SH3PXD2B: variants seen among roughly 807,000 people sequenced by gnomAD.
SH3PXD2B encodes SH3 and PX domain-containing protein 2B.
Under a neutral mutation model 73.1 loss-of-function variants are expected in SH3PXD2B, and 37 were observed. The ratio of observed to expected loss-of-function variants is 0.51; its 90% CI spans 0.39 to 0.67. The LOEUF is 0.67. Ranked by LOEUF, SH3PXD2B falls within the 30% of genes least tolerant of loss-of-function variation. The pLI, the probability that SH3PXD2B is intolerant of heterozygous loss-of-function variation, is 0.00. For synonymous variants in SH3PXD2B, 457 were observed against 480.5 expected, an observed-to-expected ratio of 0.95 and a Z score of 0.64; for missense variants, 1,053 against 1,197.8, an observed-to-expected ratio of 0.88 and a Z score of 1.78.
chr5:172,368,207 A>G (rs1296556500), intron 6 of SH3PXD2B, among the ~76,000 whole-genome samples: 1 of 151,680 alleles, frequency 6.6e-6, no homozygotes, highest in African/African-American at 2.4e-5. Context: ...TTCCTGCTCA[A>G]GTGGCATCTT....
At chr5:172,411,404 G>C (rs1758689087) in intron 2 of SH3PXD2B, among the ~76,000 whole-genome samples, 1 of 152,110 alleles carries the variant, frequency 6.6e-6, no homozygotes, top group Non-Finnish European at 1.5e-5. Context: ...GTCCTGACTT[G>C]ATTTTACCCA....
At chr5:172,396,956 A>G (rs1758316392) in intron 3 of SH3PXD2B, among the ~76,000 whole-genome samples, 1 of 152,202 alleles carries the variant, frequency 6.6e-6, no homozygotes, top group Non-Finnish European at 1.5e-5. Context: ...AAAGAAAGAA[A>G]AAAATGTAGA....
chr5:172,354,958 G>A (rs6556012), intron 8 of SH3PXD2B, among the ~76,000 whole-genome samples: 3,503 of 152,250 alleles, frequency 0.023, 106 homozygotes, highest in African/African-American at 0.073. Flanking sequence ...GCTCATCGCT[G>A]CACTCTGGCA....
At chr5:172,416,327 TCTA>T in intron 2 of SH3PXD2B, among the ~76,000 whole-genome samples, 1 of 122,980 alleles carries the variant, frequency 8.1e-6, no homozygotes, top group South Asian at 3.0e-4. Flanking sequence ...AGACCCTGTC[TCTA>T]CTTTTTTTTT....
At chr5:172,354,471 C>T (rs1035595506) in intron 8 of SH3PXD2B, among the ~76,000 whole-genome samples, 2 of 152,332 alleles carry the variant, frequency 1.3e-5, no homozygotes, top group Middle Eastern at 6.8e-3. Context: ...TTGTTCATTC[C>T]TGTGTCTTCA....
chr5:172,343,522 C>G (rs569424689), intron 12 of SH3PXD2B, among the ~76,000 whole-genome samples: 1 of 152,110 alleles, frequency 6.6e-6, no homozygotes, highest in African/African-American at 2.4e-5. Context: ...GATCAGAAGC[C>G]GGGTGCGGTG....
chr5:172,344,580 G>A (rs1756940084), intron 12 of SH3PXD2B, among the ~76,000 whole-genome samples: 1 of 123,958 alleles, frequency 8.1e-6, no homozygotes, highest in African/African-American at 3.3e-5. Flanking sequence ...AGAGGAGCGA[G>A]GCTCTGTCAA....
intron 5 of SH3PXD2B, among the ~76,000 whole-genome samples, chr5:172,381,332 T>C (rs1757938939): frequency 6.6e-6 from 1 of 152,162 alleles, no homozygotes; most frequent in Non-Finnish European, 1.5e-5. Flanking sequence ...TCCCAGCACC[T>C]TGGGCTGATC....
At chr5:172,438,052 G>C (rs1759435019) in intron 1 of SH3PXD2B, among the ~76,000 whole-genome samples, 3 of 152,164 alleles carry the variant, frequency 2.0e-5, no homozygotes, top group Non-Finnish European at 1.5e-5. Flanking sequence ...CACCACACAG[G>C]CACAACGTGG....
Position 172,445,529 on chromosome 5 carries a change from G to A in SH3PXD2B, c.75+8749C>T, listed in dbSNP as rs1759642156. On this transcript the variant is annotated intron_variant, in intron 1 of 12. Coordinates refer to ENST00000311601, the MANE Select transcript of SH3PXD2B (RefSeq NM_001017995.3). This position sits in a 1 kb window ranked among gnomAD's most constrained non-coding sequence, Gnocchi z 5.2. ...CCAGCCCTTATAATGAAGGCTTCTT[G>A]GTGGTGGTTGCTGTTTTTCCAAAGT... Among the ~76,000 whole-genome samples the A allele has an allele frequency of 6.6e-6, 1 of 152,210 alleles. No individual in the cohort carries two copies. The highest frequency in any genetic ancestry group is 1.5e-5 in the Non-Finnish European group (1 of 68,030).
At position 172,348,663 on chromosome 5, in the gene SH3PXD2B, C is replaced by CTATCTATG. The variant is rs1554135140; in HGVS notation, c.1013-1332_1013-1331insCATAGATA. On this transcript the variant is annotated intron_variant, in intron 10 of 12. Coordinates refer to ENST00000311601, the MANE Select transcript of SH3PXD2B (RefSeq NM_001017995.3). ...GTATCTATCTATCTATCCTATCTATCTATCTATCTATCTATCTATCTATCT... is the reference window on the plus strand; with the variant it reads ...GTATCTATCTATCTATCCTATCTATCTATCTATGTATCTATCTATCTATCTATCTATCT... Among the ~76,000 whole-genome samples, 20 of 28,864 alleles carry CTATCTATG rather than the reference C, an allele frequency of 6.9e-4. 1 individual carries two copies. Among genetic ancestry groups the CTATCTATG allele is most frequent in the African/African-American group, 1.6e-3 (19 of 12,236 alleles). The allele number at this position is 28,864 out of a possible 152,430, so 18.9% of individuals were successfully genotyped here. A position where few individuals can be genotyped will look rare whatever the true frequency, so the allele number is the denominator to read the frequency against.
chr5:172,368,651 A>ATAATATATATGTTATATATATATAT lies in SH3PXD2B; in HGVS notation c.427+5138_427+5139insATATATATATATAACATATATATTA, dbSNP rs1561908508. ...ATATAATATATATGTTATATATATAAAATATATATATTATATATATATAAA... is the reference window on the plus strand; with the variant it reads ...ATATAATATATATGTTATATATATAATAATATATATGTTATATATATATATAATATATATATTATATATATATAAA... On this transcript the variant is annotated intron_variant, in intron 6 of 12. Coordinates refer to ENST00000311601, the MANE Select transcript of SH3PXD2B (RefSeq NM_001017995.3). 1.3e-4 allele frequency among the ~76,000 whole-genome samples: 3 copies of ATAATATATATGTTATATATATATAT among 22,530 alleles called. 1 individual carries two copies. Among genetic ancestry groups the ATAATATATATGTTATATATATATAT allele is most frequent in the African/African-American group, 7.2e-4 (2 of 2,760 alleles). The allele number at this position is 22,530 out of a possible 152,430, so 14.8% of individuals were successfully genotyped here.
chr5:172,426,589 G>A (rs1759101555), intron 1 of SH3PXD2B, among the ~76,000 whole-genome samples: 1 of 152,116 alleles, frequency 6.6e-6, no homozygotes, highest in African/African-American at 2.4e-5. Context: ...TCCTTCCTCT[G>A]GTCTTCATGA....
intron 10 of SH3PXD2B, among the ~76,000 whole-genome samples, chr5:172,349,848 C>T (rs575805434): frequency 1.3e-5 from 2 of 151,990 alleles, no homozygotes; most frequent in Non-Finnish European, 2.9e-5. Context: ...GCAACGCCTC[C>T]CCTTTTTTTT....
At position 172,336,896 on chromosome 5, in the gene SH3PXD2B, A is replaced by C. The variant is rs1756709346; in HGVS notation, c.*1473T>G. On this transcript the variant is annotated 3_prime_UTR_variant, in exon 13 of 13. Coordinates refer to ENST00000311601, the MANE Select transcript of SH3PXD2B (RefSeq NM_001017995.3). ...CCTGGGTTTCTTCAAGGGAGAAAAC[A>C]GATTTGGCAGTGCGTGAAAAAAGAA... 2 of 985,472 alleles carry C rather than the reference A, an allele frequency of 2.0e-6. No individual in the cohort carries two copies. The highest frequency in any genetic ancestry group is 2.4e-6 in the Non-Finnish European group (2 of 829,966). 61.0% of individuals were successfully genotyped at this position (985,472 alleles called of 1,614,324 possible).
chr5:172,331,011 A>AGCCAGGCCAGTTCACCAGCC (rs1200586733), downstream of SH3PXD2B, among the ~76,000 whole-genome samples: 3 of 152,156 alleles, frequency 2.0e-5, no homozygotes, highest in Non-Finnish European at 4.4e-5. Flanking sequence ...CCTGGCCAAC[A>AGCCAGGCCAGTTCACCAGCC]TGGTGAAACC....
chr5:172,418,307 C>A (rs868224377), intron 2 of SH3PXD2B, among the ~76,000 whole-genome samples: 2 of 152,332 alleles, frequency 1.3e-5, no homozygotes, highest in Middle Eastern at 3.4e-3. Flanking sequence ...CCAGCTGTTT[C>A]TATTGTTTTC....
At chr5:172,382,986 C>T (rs188835970) in intron 4 of SH3PXD2B, among the ~76,000 whole-genome samples, 109 of 152,168 alleles carry the variant, frequency 7.2e-4, no homozygotes, top group Middle Eastern at 3.4e-3. Context: ...GATCCACCCA[C>T]TTCAGCCTCC....
intron 12 of SH3PXD2B, among the ~76,000 whole-genome samples, chr5:172,341,145 T>C (rs1254013500): frequency 6.6e-6 from 1 of 152,190 alleles, no homozygotes; most frequent in African/African-American, 2.4e-5. Flanking sequence ...TGCTCGCTAT[T>C]ATGGGCTGAA....
Sources: allele counts gnomAD v4.1 joint callset (sites outside exome capture counted in the v4.1 genomes callset), GRCh38; gene constraint gnomAD v4.1.1; non-coding constraint Gnocchi (gnomAD v3.1); transcripts MANE v1.5; gene names NCBI Gene and HGNC (gene_info 2026-07-23, HGNC 2026-07-21).